Variants in AK5 observed in about 807,000 individuals in gnomAD.
AK5 encodes the protein adenylate kinase 5.
A neutral mutation model predicts 69.5 loss-of-function variants in AK5; 27 were observed. The ratio of observed to expected loss-of-function variants is 0.39; its 90% CI spans 0.29 to 0.54. The LOEUF (loss-of-function observed/expected upper bound fraction) is 0.54, where lower values mean the gene tolerates loss of function less well. AK5 is among the 20% of genes least tolerant of loss of function. The pLI is 0.71. For missense variants in AK5, 531 were observed against 700.4 expected (o/e 0.76, Z 2.73); for synonymous variants, 260 against 244.4 (o/e 1.06, Z -0.60).
rs544806438 is a variant in AK5 at position 77,317,224 on chromosome 1, G to C, written c.699+19277G>C. ...CTCAGGCATCTCTTCTCATCTCTCTGCATGGAAGTCTCAGGGTAGCTGGAC... is the reference window on the plus strand; with the variant it reads ...CTCAGGCATCTCTTCTCATCTCTCTCCATGGAAGTCTCAGGGTAGCTGGAC... On this transcript the variant is annotated intron_variant, in intron 5 of 13. Coordinates refer to ENST00000354567, the MANE Select transcript of AK5 (RefSeq NM_174858.3). Among the ~76,000 whole-genome samples the C allele has an allele frequency of 2.8e-3, 421 of 152,256 alleles. 1 individual carries two copies. Among genetic ancestry groups the C allele is most frequent in the Non-Finnish European group, 4.9e-3 (335 of 67,996 alleles).
At chr1:77,324,737 G>A (rs1660708085) in intron 5 of AK5, among the ~76,000 whole-genome samples, 1 of 151,878 alleles carries the variant, frequency 6.6e-6, no homozygotes, top group Admixed American at 6.6e-5. Context: ...TGGAAGTAGG[G>A]TTGTAGTTAA....
At chr1:77,313,194 A>G (rs1425670702) in intron 5 of AK5, among the ~76,000 whole-genome samples, 3 of 152,028 alleles carry the variant, frequency 2.0e-5, no homozygotes, top group Admixed American at 6.6e-5. Flanking sequence ...TTATCATGTT[A>G]TCACTTTACT....
intron 5 of AK5, among the ~76,000 whole-genome samples, chr1:77,301,016 T>C (rs1434853394): frequency 6.6e-6 from 1 of 152,136 alleles, no homozygotes; most frequent in African/African-American, 2.4e-5. Flanking sequence ...TCCTCACAGA[T>C]CTGGGGTGTG....
chr1:77,451,746 G>A (rs185865763), intron 8 of AK5, among the ~76,000 whole-genome samples: 4 of 152,276 alleles, frequency 2.6e-5, no homozygotes, highest in Non-Finnish European at 4.4e-5. Flanking sequence ...CCATGCTTTT[G>A]TATATTCTAT....
chr1:77,463,125 G>A (rs1379156708), intron 8 of AK5, among the ~76,000 whole-genome samples: 1 of 152,110 alleles, frequency 6.6e-6, no homozygotes, highest in Non-Finnish European at 1.5e-5. Flanking sequence ...TTGGAGGGGG[G>A]AACTTCTTCT....
At position 77,534,930 on chromosome 1, in the gene AK5, TG is replaced by T. The variant is rs202191865; in HGVS notation, c.1429-913del. ...GGGGCTCAGCGGGCTGGTTCTCACT[TG>T]GGGTTCCTTATGCAATTGCACTCAG... On this transcript the variant is annotated intron_variant, in intron 12 of 13. Coordinates refer to ENST00000354567, the MANE Select transcript of AK5 (RefSeq NM_174858.3). Among the ~76,000 whole-genome samples the T allele has an allele frequency of 5.9e-5, 9 of 152,326 alleles. No individual in the cohort carries two copies. In the East Asian group the frequency reaches 1.7e-3, roughly 29 times the overall value.
Position 77,367,565 on chromosome 1 carries a change from A to ATGT in AK5, c.891+26998_891+26999insGTT, listed in dbSNP as rs1471565780. Among the ~76,000 whole-genome samples, 37 of 11,722 alleles carry ATGT rather than the reference A, an allele frequency of 3.2e-3. 8 individuals are homozygous for ATGT. The highest frequency in any genetic ancestry group is 5.8e-3 in the Non-Finnish European group (32 of 5,472). 7.7% of individuals were successfully genotyped at this position (11,722 alleles called of 152,430 possible). A position where few individuals can be genotyped will look rare whatever the true frequency, so the allele number is the denominator to read the frequency against. ...ACTCATTTATGTTATTTTTATATAT[A>ATGT]TATATATATATATAATATATATGTT... On this transcript the variant is annotated intron_variant, in intron 6 of 13. Transcript: ENST00000354567.
At chr1:77,378,839 G>T (rs977251793) in intron 6 of AK5, among the ~76,000 whole-genome samples, 3 of 152,186 alleles carry the variant, frequency 2.0e-5, no homozygotes, top group Non-Finnish European at 2.9e-5. Flanking sequence ...GCTGAGGGGA[G>T]TTTTAGATAG....
At chr1:77,419,395 C>A (rs975872772) in intron 8 of AK5, among the ~76,000 whole-genome samples, 1 of 151,546 alleles carries the variant, frequency 6.6e-6, no homozygotes, top group African/African-American at 2.4e-5. Flanking sequence ...TCCACACCCC[C>A]CAAGAACTAG....
chr1:77,409,037 G>A (rs141234749), intron 6 of AK5, among the ~76,000 whole-genome samples: 40 of 152,266 alleles, frequency 2.6e-4, no homozygotes, highest in Non-Finnish European at 4.9e-4. Flanking sequence ...TCCTGCATTA[G>A]TTTTGTAAGG....
chr1:77,397,523 G>T (rs1648912101), intron 6 of AK5, among the ~76,000 whole-genome samples: 2 of 152,134 alleles, frequency 1.3e-5, no homozygotes, highest in South Asian at 2.1e-4. Context: ...CAGAATGATT[G>T]TCCACTAATC....
intron 12 of AK5, among the ~76,000 whole-genome samples, chr1:77,530,682 T>C (rs976201480): frequency 6.6e-6 from 1 of 152,206 alleles, no homozygotes; most frequent in Admixed American, 6.5e-5. Context: ...ACCCTCACAA[T>C]AGTCCTGTGA....
chr1:77,417,221 C>T (rs1165357676), intron 7 of AK5, among the ~76,000 whole-genome samples: 2 of 152,052 alleles, frequency 1.3e-5, no homozygotes, highest in East Asian at 3.9e-4. Context: ...GTTCCTTCTA[C>T]TTCCATTATT....
chr1:77,473,157 T>G (rs189903149), intron 8 of AK5, among the ~76,000 whole-genome samples: 1 of 152,078 alleles, frequency 6.6e-6, no homozygotes, highest in East Asian at 1.9e-4. Flanking sequence ...TTGGTTGAAT[T>G]GTTGCATGAG....
chr1:77,529,602 C>G (rs1194857823), intron 12 of AK5, among the ~76,000 whole-genome samples: 2 of 152,160 alleles, frequency 1.3e-5, no homozygotes, highest in Non-Finnish European at 2.9e-5. Context: ...GGACTATAGG[C>G]GTGAGCCATT....
chr1:77,323,788 G>C (rs184615559), intron 5 of AK5, among the ~76,000 whole-genome samples: 3 of 152,122 alleles, frequency 2.0e-5, no homozygotes, highest in Non-Finnish European at 4.4e-5. Context: ...ATACATACAC[G>C]TGTGTGTAGA....
chr1:77,282,471 GGGCATGTAATGAAGGGGCTTGTAGA>G (rs1658115769), intron 1 of AK5, 98 bp downstream of exon 1: 1 of 1,446,698 alleles, frequency 6.9e-7, no homozygotes, highest in Non-Finnish European at 9.2e-7. Context: ...TCCCCACACG[GGGCATGTAATGAAGGGGCTTGTAGA>G]AGCGCACTCG....
intron 5 of AK5, among the ~76,000 whole-genome samples, chr1:77,318,176 G>A (rs1660339448): frequency 1.3e-5 from 2 of 152,148 alleles, no homozygotes; most frequent in Admixed American, 6.5e-5. Flanking sequence ...TGTACAGGAA[G>A]CATGGCAGCA....
intron 10 of AK5, among the ~76,000 whole-genome samples, chr1:77,507,532 A>G (rs1657095605): frequency 6.6e-6 from 1 of 152,242 alleles, no homozygotes; most frequent in African/African-American, 2.4e-5. Context: ...TCTCTCAACT[A>G]TACCACTGGT....
Sources: gnomAD v4.1 joint callset for allele counts (sites outside exome capture counted in the v4.1 genomes callset) on GRCh38, gnomAD v4.1.1 for gene constraint, MANE v1.5 for transcripts, NCBI Gene and HGNC (gene_info 2026-07-23, HGNC 2026-07-21) for gene names.